MSH3: variants seen among roughly 807,000 people sequenced by gnomAD.
MSH3 encodes the protein mutS homolog 3, also known as DNA mismatch repair protein Msh3.
MSH3 carries 106 observed loss-of-function variants against 123.3 expected under a neutral mutation model. The observed-to-expected ratio is 0.86, with a 90% CI of 0.73 to 1.01. The LOEUF is 1.01. Among genes scored for constraint, MSH3 ranks in the 50% least tolerant of loss-of-function variants. MSH3 has a pLI of 0.00. For synonymous variants in MSH3, 515 were observed against 481.4 expected (o/e 1.07, Z -0.91); for missense variants, 1,459 against 1,347.6 (o/e 1.08, Z -1.29).
At chr5:80,850,510 G>A (rs1745812549) in intron 20 of MSH3, among the ~76,000 whole-genome samples, 1 of 152,164 alleles carries the variant, frequency 6.6e-6, no homozygotes, top group South Asian at 2.1e-4. Context: ...ATGGCAGAAG[G>A]CAAGGAGGAG....
intron 8 of MSH3, among the ~76,000 whole-genome samples, chr5:80,705,647 A>G (rs1750704580): frequency 6.6e-6 from 1 of 152,210 alleles, no homozygotes; most frequent in African/African-American, 2.4e-5. Context: ...ATAGTTCTGG[A>G]GGATAGAAGT....
At position 80,725,458 on chromosome 5, in the gene MSH3, A is replaced by T. The variant is rs780395319; in HGVS notation, c.1346A>T (p.Gln449Leu). The change falls in exon 9 of 24, where the codon CAG (glutamine) becomes CTG (leucine). Residue 449 changes from glutamine to leucine, a missense_variant. Transcript: ENST00000265081. ...ATTTTCCTTTTTTCTTTCAGTGTGCAGGATGACAGAATTCGAGTCGAAAGG... is the reference window on the plus strand; with the variant it reads ...ATTTTCCTTTTTTCTTTCAGTGTGCTGGATGACAGAATTCGAGTCGAAAGG... ...LIHRATSVSVQDDRIRVERMD... is the reference protein window; with the variant it reads ...LIHRATSVSVLDDRIRVERMD... 8.1e-6 allele frequency: 13 copies of T among 1,612,374 alleles called. No homozygotes were observed. The highest frequency in any genetic ancestry group is 1.1e-5 in the Non-Finnish European group (13 of 1,178,524).
chr5:80,659,610 C>T (rs990502161), intron 2 of MSH3, among the ~76,000 whole-genome samples: 4 of 152,088 alleles, frequency 2.6e-5, no homozygotes, highest in African/African-American at 9.7e-5. Flanking sequence ...TATTCATTTT[C>T]TTTATTGTGG....
At chr5:80,789,295 C>T (rs1003768407) in intron 18 of MSH3, among the ~76,000 whole-genome samples, 9 of 151,636 alleles carry the variant, frequency 5.9e-5, no homozygotes, top group Non-Finnish European at 1.2e-4. Flanking sequence ...AAAAACTATC[C>T]TTTTTTCATA....
chr5:80,873,332 C>T (rs773353689), intron 23 of MSH3, 45 bp downstream of exon 23: 3 of 1,596,556 alleles, frequency 1.9e-6, no homozygotes, highest in Non-Finnish European at 2.6e-6. Flanking sequence ...ATGAAACCTT[C>T]TAAGTTGTCC....
chr5:80,873,328 C>A, intron 23 of MSH3, 41 bp downstream of exon 23: 1 of 1,598,618 alleles, frequency 6.3e-7, no homozygotes, highest in Non-Finnish European at 8.6e-7. Flanking sequence ...TGTAATGAAA[C>A]CTTCTAAGTT....
At chr5:80,819,398 GTA>G (rs1266116917) in intron 20 of MSH3, among the ~76,000 whole-genome samples, 1 of 148,682 alleles carries the variant, frequency 6.7e-6, no homozygotes, top group African/African-American at 2.5e-5. Context: ...GTATATATGT[GTA>G]TATATGTGTG....
chr5:80,774,972 G>A (rs1013878324), intron 15 of MSH3, among the ~76,000 whole-genome samples: 2 of 152,086 alleles, frequency 1.3e-5, no homozygotes, highest in Non-Finnish European at 2.9e-5. Flanking sequence ...ATTATTTGTA[G>A]CACAAAAGAT....
chr5:80,818,524 A>G (rs775642885), intron 20 of MSH3, among the ~76,000 whole-genome samples: 8 of 152,120 alleles, frequency 5.3e-5, no homozygotes, highest in Non-Finnish European at 1.0e-4. Flanking sequence ...ACTCAAACAC[A>G]TAAACCTTTT....
intron 8 of MSH3, among the ~76,000 whole-genome samples, chr5:80,706,143 C>CT (rs1187018925): frequency 6.6e-6 from 1 of 152,050 alleles, no homozygotes. Context: ...TTTAAAAAAA[C>CT]TTTTTTTGTT....
intron 21 of MSH3, among the ~76,000 whole-genome samples, chr5:80,861,289 T>TG (rs777418627): frequency 1.3e-4 from 20 of 152,324 alleles, no homozygotes; most frequent in Middle Eastern, 3.4e-3. Context: ...GTTTTAGTAA[T>TG]GTGCTGGTAA....
At position 80,718,166 on chromosome 5, in the gene MSH3, A is replaced by G. The variant is rs141626994; in HGVS notation, c.1341-7287A>G. Among the ~76,000 whole-genome samples the G allele has an allele frequency of 1.5e-3, 221 of 152,330 alleles. 1 individual carries two copies. The highest frequency in any genetic ancestry group is 5.1e-3 in the African/African-American group (213 of 41,580). ...CACTGTCATAGCCCTCAGAGGAATC[A>G]TGATCCTGACTTTGTCATTGTTATC... On this transcript the variant is annotated intron_variant, in intron 8 of 23. Coordinates refer to ENST00000265081, the MANE Select transcript of MSH3 (RefSeq NM_002439.5).
rs766897188 is a variant in MSH3 at position 80,692,274 on chromosome 5, TAGA to T, written c.1340+13182_1340+13184del. ...GATAGATAGATAAACATGTATATGT[TAGA>T]TAGATAGATAAACATGTATATGTTA... is the stretch of plus-strand genomic sequence containing the variant. On this transcript the variant is annotated intron_variant, in intron 8 of 23. Coordinates refer to ENST00000265081, the MANE Select transcript of MSH3 (RefSeq NM_002439.5). 9.6e-3 allele frequency among the ~76,000 whole-genome samples: 328 copies of T among 34,056 alleles called. 57 individuals carry two copies. Among genetic ancestry groups the T allele is most frequent in the Middle Eastern group, 0.038 (1 of 26 alleles). 22.3% of individuals were successfully genotyped at this position (34,056 alleles called of 152,430 possible). A position where few individuals can be genotyped will look rare whatever the true frequency, so the allele number is the denominator to read the frequency against.
In MSH3 at chr5:80,654,889, TGCAGCG is replaced by T; in HGVS notation, c.165_170del (p.Ala61_Ala62del). 1 of 825,138 alleles carries T rather than the reference TGCAGCG, an allele frequency of 1.2e-6. No homozygotes were observed. The highest frequency in any genetic ancestry group is 2.5e-5 in the South Asian group (1 of 39,892). 51.1% of individuals were successfully genotyped at this position (825,138 alleles called of 1,614,324 possible). A position where few individuals can be genotyped will look rare whatever the true frequency, so the allele number is the denominator to read the frequency against. ...AGGTGGACCCTGGCGCTGCAGCGGC[TGCAGCG>T]GCCGCAGCGGCCGCAGCGCCCCCAG... On this transcript the variant is annotated inframe_deletion, in exon 1 of 24. Coordinates refer to ENST00000265081, the MANE Select transcript of MSH3 (RefSeq NM_002439.5).
At chr5:80,666,658 G>A (rs1749577748) in intron 3 of MSH3, among the ~76,000 whole-genome samples, 1 of 152,174 alleles carries the variant, frequency 6.6e-6, no homozygotes, top group East Asian at 1.9e-4. Context: ...GACCAACTTG[G>A]CATGTCCACA....
At position 80,672,063 on chromosome 5, in the gene MSH3, T is replaced by G. The variant is rs538373467; in HGVS notation, c.793-181T>G. On this transcript the variant is annotated intron_variant, in intron 4 of 23. Transcript: ENST00000265081. ...GTCACTGGAACTGCCCAAAATACATTAAACCATAGGCTTCTATACAGGGAA... is the reference window on the plus strand; with the variant it reads ...GTCACTGGAACTGCCCAAAATACATGAAACCATAGGCTTCTATACAGGGAA... Among the ~76,000 whole-genome samples the G allele has an allele frequency of 1.3e-4, 20 of 152,300 alleles. No homozygotes were observed. The South Asian group carries it at 4.1e-3, about 32-fold the overall frequency.
chr5:80,710,747 TA>T, intron 8 of MSH3, among the ~76,000 whole-genome samples: 1 of 152,270 alleles, frequency 6.6e-6, no homozygotes, highest in Non-Finnish European at 1.5e-5. Flanking sequence ...TACGAAAGGA[TA>T]GGGGTTTTAA....
chr5:80,719,850 G>A (rs1233091220), intron 8 of MSH3, among the ~76,000 whole-genome samples: 1 of 152,162 alleles, frequency 6.6e-6, no homozygotes, highest in African/African-American at 2.4e-5. Context: ...TTATTCTGTA[G>A]TATGGTTGTT....
At chr5:80,689,476 C>T (rs2112827011) in intron 8 of MSH3, among the ~76,000 whole-genome samples, 1 of 152,216 alleles carries the variant, frequency 6.6e-6, no homozygotes, top group Non-Finnish European at 1.5e-5. Context: ...ACCCATTTCA[C>T]TTAAATTAGT....
Sources: allele counts gnomAD v4.1 joint callset (sites outside exome capture counted in the v4.1 genomes callset), GRCh38; gene constraint gnomAD v4.1.1; transcripts MANE v1.5; gene names NCBI Gene and HGNC (gene_info 2026-07-23, HGNC 2026-07-21).